PRMT3: variants seen among roughly 807,000 people sequenced by gnomAD.
PRMT3 encodes the protein protein arginine methyltransferase 3, also known as protein arginine N-methyltransferase 3.
In PRMT3, 62 loss-of-function variants were observed where a neutral mutation model predicts 71.9. That is an observed-to-expected ratio of 0.86 (90% CI 0.70 to 1.07). PRMT3 has a LOEUF of 1.07. Among genes scored for constraint, PRMT3 ranks in the 50% least tolerant of loss-of-function variants. The pLI is 0.00. For synonymous variants in PRMT3, 213 were observed against 220.4 expected (o/e 0.97, Z 0.30); for missense variants, 663 against 643.0 (o/e 1.03, Z -0.34).
At chr11:20,392,676 T>C (rs1273527935) in intron 4 of PRMT3, among the ~76,000 whole-genome samples, 2 of 151,698 alleles carry the variant, frequency 1.3e-5, no homozygotes, top group Non-Finnish European at 2.9e-5. Flanking sequence ...TGACAACGCT[T>C]TCCCCAAATC....
chr11:20,503,352 G>A (rs1177037886), intron 15 of PRMT3, among the ~76,000 whole-genome samples: 3 of 151,766 alleles, frequency 2.0e-5, no homozygotes, highest in African/African-American at 7.3e-5. Flanking sequence ...TTATTCCTAG[G>A]CACCACATTT....
At chr11:20,488,750 T>C (rs908681515) in intron 13 of PRMT3, among the ~76,000 whole-genome samples, 5 of 152,196 alleles carry the variant, frequency 3.3e-5, no homozygotes, top group African/African-American at 1.2e-4. Context: ...ACACAATGTG[T>C]CCTCTTTAAA....
At chr11:20,402,315 C>A (rs1848966648) in intron 7 of PRMT3, among the ~76,000 whole-genome samples, 2 of 152,122 alleles carry the variant, frequency 1.3e-5, no homozygotes, top group Non-Finnish European at 2.9e-5. Flanking sequence ...GACAGGGTTA[C>A]TCCATGTTGG....
At chr11:20,399,447 A>G (rs1178050984) in intron 7 of PRMT3, among the ~76,000 whole-genome samples, 3 of 152,208 alleles carry the variant, frequency 2.0e-5, no homozygotes, top group Non-Finnish European at 1.5e-5. Flanking sequence ...ATATGTTATT[A>G]TAAGTAATAC....
chr11:20,392,089 A>G, intron 3 of PRMT3, 122 bp from the exon 4 acceptor site: 1 of 887,110 alleles, frequency 1.1e-6, no homozygotes, highest in South Asian at 1.7e-5. Context: ...AATTCAAAAT[A>G]TAAGTAGTAA....
chr11:20,508,898 T>C lies in PRMT3; in HGVS notation c.*485T>C, dbSNP rs1851662535. 5.4e-6 allele frequency: 1 copy of C among 186,368 alleles called. No homozygotes were observed. The highest frequency in any genetic ancestry group is 5.4e-5 in the Admixed American group (1 of 18,618). The allele number at this position is 186,368 out of a possible 1,614,324, so 11.5% of individuals were successfully genotyped here. A position where few individuals can be genotyped will look rare whatever the true frequency, so the allele number is the denominator to read the frequency against. On this transcript the variant is annotated 3_prime_UTR_variant, in exon 16 of 16. Transcript: ENST00000331079. ...AAAATCAGGATGTAATAAAGATTTG[T>C]ATAAAAAAACTAAAATATGGAAAAG...
At chr11:20,441,263 TTTTA>T (rs3044625) in intron 10 of PRMT3, among the ~76,000 whole-genome samples, 77,688 of 137,726 alleles carry the variant, frequency 0.56, 22,598 homozygotes, top group Non-Finnish European at 0.64. Context: ...GTTACTAACT[TTTTA>T]TTTATTTATT....
chr11:20,483,307 A>G (rs1379930359), intron 13 of PRMT3, among the ~76,000 whole-genome samples: 1 of 152,130 alleles, frequency 6.6e-6, no homozygotes, highest in Non-Finnish European at 1.5e-5. Context: ...TGTATTCTTA[A>G]TATTAAAATA....
intron 13 of PRMT3, among the ~76,000 whole-genome samples, chr11:20,480,204 G>A (rs974770783): frequency 2.0e-5 from 3 of 152,130 alleles, no homozygotes; most frequent in African/African-American, 7.2e-5. Flanking sequence ...GGAGTACTAG[G>A]AGTGGTCCGT....
At chr11:20,445,406 G>T (rs1321174020) in intron 10 of PRMT3, among the ~76,000 whole-genome samples, 1 of 151,992 alleles carries the variant, frequency 6.6e-6, no homozygotes, top group Non-Finnish European at 1.5e-5. Flanking sequence ...CAATCATTTT[G>T]TCTAATTGTG....
intron 13 of PRMT3, among the ~76,000 whole-genome samples, chr11:20,487,548 G>A (rs573858647): frequency 3.9e-5 from 6 of 152,272 alleles, no homozygotes; most frequent in African/African-American, 1.4e-4. Context: ...AGGTGCATGA[G>A]GGGGACTACT....
At chr11:20,413,755 C>A (rs563198705) in intron 9 of PRMT3, among the ~76,000 whole-genome samples, 127 of 152,238 alleles carry the variant, frequency 8.3e-4, no homozygotes, top group African/African-American at 2.9e-3. Context: ...AAGCTTTAGT[C>A]GTACTCTGTA....
intron 4 of PRMT3, 40 bp from the exon 5 acceptor site, chr11:20,392,857 A>G: frequency 2.4e-6 from 3 of 1,263,534 alleles, no homozygotes; most frequent in Non-Finnish European, 3.4e-6. Context: ...TTTTGTGATT[A>G]TATGTAATGA....
At chr11:20,395,702 G>A (rs1297701539) in intron 5 of PRMT3, 101 bp from the exon 6 acceptor site, 1 of 1,115,950 alleles carries the variant, frequency 9.0e-7, no homozygotes, top group Non-Finnish European at 1.3e-6. Flanking sequence ...TTTCTCAATT[G>A]GCCACATAGT....
At chr11:20,433,717 T>C (rs1388978441) in intron 10 of PRMT3, among the ~76,000 whole-genome samples, 5 of 152,078 alleles carry the variant, frequency 3.3e-5, no homozygotes, top group South Asian at 2.1e-4. Flanking sequence ...ACCCCCCAGG[T>C]TCAAGCAATT....
At chr11:20,418,200 C>G (rs1197537392) in intron 9 of PRMT3, among the ~76,000 whole-genome samples, 2 of 152,132 alleles carry the variant, frequency 1.3e-5, no homozygotes, top group African/African-American at 4.8e-5. Context: ...ATTACCTCGT[C>G]ATAGTTCTCT....
intron 9 of PRMT3, among the ~76,000 whole-genome samples, chr11:20,415,479 A>G (rs915760374): frequency 6.6e-6 from 1 of 151,154 alleles, no homozygotes; most frequent in African/African-American, 2.4e-5. Flanking sequence ...AACAGCAGGA[A>G]AAAGATGACC....
chr11:20,471,810 A>G (rs1850651846), intron 13 of PRMT3, among the ~76,000 whole-genome samples: 1 of 152,224 alleles, frequency 6.6e-6, no homozygotes, highest in African/African-American at 2.4e-5. Context: ...AATTTTCACA[A>G]TATTGATTCT....
chr11:20,396,203 T>A (rs1848823218), intron 6 of PRMT3, among the ~76,000 whole-genome samples: 1 of 152,252 alleles, frequency 6.6e-6, no homozygotes, highest in Non-Finnish European at 1.5e-5. Context: ...TGAATGTTTT[T>A]GTTCTTTATT....
Sources: gnomAD v4.1 joint callset for allele counts (sites outside exome capture counted in the v4.1 genomes callset) on GRCh38, gnomAD v4.1.1 for gene constraint, MANE v1.5 for transcripts, NCBI Gene and HGNC (gene_info 2026-07-23, HGNC 2026-07-21) for gene names.